Variants in HECW2 observed in about 807,000 individuals in gnomAD.
HECW2 encodes HECT, C2 and WW domain containing E3 ubiquitin protein ligase 2, also known as E3 ubiquitin-protein ligase HECW2.
HECW2 carries 61 observed loss-of-function variants against 175.2 expected under a neutral mutation model. The ratio of observed to expected loss-of-function variants is 0.35; its 90% CI spans 0.28 to 0.43. The LOEUF is 0.43. HECW2 is among the 20% of genes least tolerant of loss of function. The probability of loss-of-function intolerance (pLI) is 1.00; values close to 1 mark genes in which losing one functional copy is unlikely to be tolerated. For synonymous variants in HECW2, 671 were observed against 731.0 expected (o/e 0.92, Z 1.32); for missense variants, 1,524 against 2,000.5 (o/e 0.76, Z 4.54).
chr2:196,397,000 C>T (rs1459883341), intron 2 of HECW2, among the ~76,000 whole-genome samples: 1 of 152,074 alleles, frequency 6.6e-6, no homozygotes, highest in Non-Finnish European at 1.5e-5. Flanking sequence ...GTAGTCCCAC[C>T]TACTCGGGAA....
chr2:196,250,702 T>C (rs77887080), intron 19 of HECW2, among the ~76,000 whole-genome samples: 3,542 of 152,224 alleles, frequency 0.023, 133 homozygotes, highest in East Asian at 0.17. Context: ...CCTGTGTTTC[T>C]TCCTTCAGTG....
At position 196,569,340 on chromosome 2, in the gene HECW2, T is replaced by TCTAAACTAAA. The variant is rs200812711; in HGVS notation, c.-36+24158_-36+24167dup. 8.7e-3 allele frequency among the ~76,000 whole-genome samples: 1,296 copies of TCTAAACTAAA among 149,388 alleles called. 16 individuals are homozygous for TCTAAACTAAA. Among genetic ancestry groups the TCTAAACTAAA allele is most frequent in the African/African-American group, 0.026 (1,036 of 39,710 alleles). ...CTGGGTGACAGAGTGAGACACTGTC[T>TCTAAACTAAA]CTAAACTAAACTAAACTAAACTAAA... is the stretch of plus-strand genomic sequence containing the variant. On this transcript the variant is annotated intron_variant, in intron 1 of 28. Transcript: ENST00000644978.
chr2:196,390,905 G>A (rs1281615871), intron 2 of HECW2, among the ~76,000 whole-genome samples: 1 of 152,130 alleles, frequency 6.6e-6, no homozygotes, highest in Non-Finnish European at 1.5e-5. Flanking sequence ...ATTCTACATT[G>A]TGCGAGCTCA....
chr2:196,513,899 G>A (rs902685481), intron 1 of HECW2, among the ~76,000 whole-genome samples: 1 of 152,250 alleles, frequency 6.6e-6, no homozygotes, highest in Non-Finnish European at 1.5e-5. Flanking sequence ...CACTGCCTTT[G>A]ATGGTAGCAG....
intron 21 of HECW2, among the ~76,000 whole-genome samples, chr2:196,234,053 G>A (rs984239922): frequency 3.3e-5 from 5 of 152,188 alleles, no homozygotes; most frequent in Admixed American, 6.5e-5. Flanking sequence ...CAGTCAAAGT[G>A]TGGCTCTGCA....
intron 10 of HECW2, among the ~76,000 whole-genome samples, chr2:196,311,869 C>T (rs76126229): frequency 0.034 from 5,131 of 152,196 alleles, 194 homozygotes; most frequent in African/African-American, 0.098. Context: ...GACTCTTAGA[C>T]ACCCTAAGAC....
intron 3 of HECW2, among the ~76,000 whole-genome samples, chr2:196,335,658 A>G (rs1692524101): frequency 6.6e-6 from 1 of 152,232 alleles, no homozygotes; most frequent in South Asian, 2.1e-4. Flanking sequence ...AGGAATTTAT[A>G]TCATTACACT....
chr2:196,242,073 C>CT lies in HECW2; in HGVS notation c.3650+10dup. 3 of 1,613,768 alleles carry CT rather than the reference C, an allele frequency of 1.9e-6. No individual in the cohort carries two copies. Among genetic ancestry groups the CT allele is most frequent in the Non-Finnish European group, 2.5e-6 (3 of 1,179,670 alleles). The stretch of plus-strand genomic sequence containing the variant: ...TCTATACATTATGTGGTTTGTGTCA[C>CT]TTTGACTTACTTTAACTTCCCTGGG... On this transcript the variant is annotated intron_variant, in intron 20 of 28. Coordinates refer to ENST00000644978, the MANE Select transcript of HECW2 (RefSeq NM_001348768.2).
chr2:196,462,274 T>C (rs1157933018), intron 1 of HECW2, among the ~76,000 whole-genome samples: 1 of 151,890 alleles, frequency 6.6e-6, no homozygotes, highest in African/African-American at 2.4e-5. Flanking sequence ...TGGGGGAAAA[T>C]GGGAAAGGGG....
intron 2 of HECW2, among the ~76,000 whole-genome samples, chr2:196,423,303 A>T (rs1695453948): frequency 6.6e-6 from 1 of 152,082 alleles, no homozygotes; most frequent in South Asian, 2.1e-4. Context: ...TCATTTTTTT[A>T]AAAATGGAGA....
intron 1 of HECW2, among the ~76,000 whole-genome samples, chr2:196,518,739 C>T (rs971612473): frequency 6.6e-6 from 1 of 151,374 alleles, no homozygotes; most frequent in Non-Finnish European, 1.5e-5. Flanking sequence ...CTGATATGAC[C>T]TACCGTCCCT....
At chr2:196,505,812 T>C (rs1480449506) in intron 1 of HECW2, among the ~76,000 whole-genome samples, 1 of 152,198 alleles carries the variant, frequency 6.6e-6, no homozygotes, top group Non-Finnish European at 1.5e-5. Context: ...TCAATGAATA[T>C]TTACTGAGGA....
At chr2:196,216,070 A>T in intron 27 of HECW2, 93 bp from the exon 28 acceptor site, 1 of 807,644 alleles carries the variant, frequency 1.2e-6, no homozygotes, top group South Asian at 1.5e-5. Context: ...CTCCTGAGGA[A>T]GAGCAGGCAG....
Position 196,366,225 on chromosome 2 carries a change from A to T in HECW2, c.293-22461T>A, listed in dbSNP as rs181978444. Among the ~76,000 whole-genome samples the T allele has an allele frequency of 2.2e-3, 329 of 152,332 alleles. 4 individuals carry two copies. Among genetic ancestry groups the T allele is most frequent in the Non-Finnish European group, 1.9e-3 (129 of 68,022 alleles). On this transcript the variant is annotated intron_variant, in intron 2 of 28. Coordinates refer to ENST00000644978, the MANE Select transcript of HECW2 (RefSeq NM_001348768.2). ...TCCCAGAACCCTGCACAATTTCAGAAGAAATTTGTGTGGTACAATGAGTTT... is the reference window on the plus strand; with the variant it reads ...TCCCAGAACCCTGCACAATTTCAGATGAAATTTGTGTGGTACAATGAGTTT...
intron 2 of HECW2, among the ~76,000 whole-genome samples, chr2:196,366,276 C>T (rs1693740689): frequency 6.6e-6 from 1 of 152,132 alleles, no homozygotes; most frequent in African/African-American, 2.4e-5. Context: ...GGACTTGTTA[C>T]TTTCTTAAAG....
At chr2:196,336,605 G>A (rs1692559244) in intron 3 of HECW2, among the ~76,000 whole-genome samples, 1 of 151,990 alleles carries the variant, frequency 6.6e-6, no homozygotes, top group Admixed American at 6.6e-5. Flanking sequence ...CTTTTCCTAA[G>A]GTTTTAATAG....
chr2:196,474,453 G>T (rs977057098), intron 1 of HECW2, among the ~76,000 whole-genome samples: 10 of 152,190 alleles, frequency 6.6e-5, no homozygotes, highest in African/African-American at 1.9e-4. Context: ...TATTAGGATA[G>T]TGTGCATTTT....
At chr2:196,342,976 A>T (rs1252030962) in intron 3 of HECW2, among the ~76,000 whole-genome samples, 1 of 143,900 alleles carries the variant, frequency 6.9e-6, no homozygotes, top group Non-Finnish European at 1.5e-5. Flanking sequence ...CATTATGTAT[A>T]TGTAAAATAT....
chr2:196,576,033 T>C (rs985169953), intron 1 of HECW2, among the ~76,000 whole-genome samples: 1 of 152,164 alleles, frequency 6.6e-6, no homozygotes, highest in Non-Finnish European at 1.5e-5. Context: ...GGAACAAATA[T>C]CTAAACTATA....
Sources: gnomAD v4.1 joint callset for allele counts (sites outside exome capture counted in the v4.1 genomes callset) on GRCh38, gnomAD v4.1.1 for gene constraint, MANE v1.5 for transcripts, NCBI Gene and HGNC (gene_info 2026-07-23, HGNC 2026-07-21) for gene names.